Variants in USP43 observed in about 807,000 individuals in gnomAD.
The protein encoded by USP43 is ubiquitin carboxyl-terminal hydrolase 43.
Under a neutral mutation model 90.7 loss-of-function variants are expected in USP43, and 33 were observed. The ratio of observed to expected loss-of-function variants is 0.36; its 90% confidence interval spans 0.28 to 0.49. The LOEUF (loss-of-function observed/expected upper bound fraction) is 0.49, where lower values mean the gene tolerates loss of function less well. Ranked by LOEUF, USP43 falls within the 20% of genes least tolerant of loss-of-function variation. The pLI, the probability that USP43 is intolerant of heterozygous loss-of-function variation, is 0.98. For synonymous variants in USP43, 598 were observed against 615.8 expected, an observed-to-expected ratio of 0.97 and a Z score of 0.43; for missense variants, 1,274 against 1,476.4, an observed-to-expected ratio of 0.86 and a Z score of 2.25.
intron 2 of USP43, among the ~76,000 whole-genome samples, chr17:9,665,069 A>G (rs895618802): frequency 3.9e-5 from 6 of 152,148 alleles, no homozygotes; most frequent in Non-Finnish European, 8.8e-5. Flanking sequence ...TAATCAAAAT[A>G]TTGTGTCCCA....
rs1469235488 is a variant in USP43, at chr17:9,729,163, G to T, written c.*173G>T. 1.9e-6 allele frequency: 1 copy of T among 523,736 alleles called. No individual in the cohort carries two copies. The highest frequency in any genetic ancestry group is 3.4e-5 in the East Asian group (1 of 29,070). 32.4% of individuals were successfully genotyped at this position (523,736 alleles called of 1,614,324 possible). A position where few individuals can be genotyped will look rare whatever the true frequency, so the allele number is the denominator to read the frequency against. On this transcript the variant is annotated 3_prime_UTR_variant, in exon 15 of 15. Transcript: ENST00000285199. ...CCATATCTAGACTTCCAACACCCAA[G>T]GTCCATATAACCCAAGGTCGAAAAC...
At chr17:9,698,527 G>A (rs372079628) in intron 9 of USP43, among the ~76,000 whole-genome samples, 2 of 152,244 alleles carry the variant, frequency 1.3e-5, no homozygotes, top group African/African-American at 4.8e-5. Flanking sequence ...GGGATTGTTA[G>A]GTATATACAT....
At chr17:9,690,065 C>A (rs1914842445) in intron 8 of USP43, among the ~76,000 whole-genome samples, 1 of 152,242 alleles carries the variant, frequency 6.6e-6, no homozygotes, top group East Asian at 1.9e-4. Context: ...ACACTCAAGA[C>A]CCCCTGCAGC....
rs1467893364 is a variant in USP43 at position 9,645,749 on chromosome 17, A to G, written c.117A>G (p.Ser39=). Residue 39 remains serine (S), a synonymous_variant, in exon 1 of 15, where the codon TCA becomes TCG. Coordinates refer to ENST00000285199, the MANE Select transcript of USP43 (RefSeq NM_153210.5). The surrounding 1 kb of genome is among the most constrained non-coding windows in gnomAD (Gnocchi z 6.8). ...SRFLLALGSR[S]RPGDSPPRPQ... ...TCCTGCTGGCGCTGGGCAGCCGCTC[A>G]CGCCCCGGGGACTCACCGCCCCGGC... 2.9e-6 allele frequency: 4 copies of G among 1,384,146 alleles called. No individual in the cohort carries two copies. The highest frequency in any genetic ancestry group is 3.1e-5 in the African/African-American group (2 of 65,366). 85.7% of individuals were successfully genotyped at this position (1,384,146 alleles called of 1,614,324 possible). A position where few individuals can be genotyped will look rare whatever the true frequency, so the allele number is the denominator to read the frequency against.
intron 6 of USP43, among the ~76,000 whole-genome samples, chr17:9,681,987 C>A (rs962116270): frequency 6.6e-6 from 1 of 152,172 alleles, no homozygotes; most frequent in African/African-American, 2.4e-5. Flanking sequence ...GACTATATTA[C>A]AACCCAGTGA....
intron 14 of USP43, among the ~76,000 whole-genome samples, chr17:9,725,418 TC>T (rs1413548747): frequency 6.6e-6 from 1 of 151,716 alleles, no homozygotes; most frequent in East Asian, 1.9e-4. Context: ...TTTGCCCATC[TC>T]CCCGGGGGAG....
intron 1 of USP43, among the ~76,000 whole-genome samples, chr17:9,650,923 T>C (rs986618981): frequency 6.6e-6 from 1 of 151,768 alleles, no homozygotes; most frequent in African/African-American, 2.4e-5. Context: ...TCAGAGACTT[T>C]GGTGCACCCG....
At position 9,686,869 on chromosome 17, in the gene USP43, G is replaced by T; in HGVS notation, c.1313G>T (p.Ser438Ile). Residue 438 changes from serine to isoleucine, a missense_variant, in exon 8 of 15, where the codon AGC (serine) becomes ATC (isoleucine). Ser to Ile is a moderately radical substitution (Grantham distance 142, BLOSUM62 -2). This residue lies in a region of USP43 where 253 missense variants were observed against 276.0 expected (regional missense o/e 0.92). Coordinates refer to ENST00000285199, the MANE Select transcript of USP43 (RefSeq NM_153210.5). The surrounding 1 kb of genome is among the most constrained non-coding windows in gnomAD (Gnocchi z 5.5). ...SWAQLQQSIL[S>I]KVRHLMKSEA... is the part of the protein sequence containing the mutation. ...GCCCAGCTCCAGCAGTCTATCCTCA[G>T]CAAGGTCCGCCATCTTATGAAGAGT... is the stretch of plus-strand genomic sequence containing the variant. 6.2e-7 allele frequency: 1 copy of T among 1,613,828 alleles called. No homozygotes were observed. The highest frequency in any genetic ancestry group is 8.5e-7 in the Non-Finnish European group (1 of 1,179,872).
chr17:9,714,303 G>C (rs1447870158), intron 14 of USP43, among the ~76,000 whole-genome samples: 2 of 152,184 alleles, frequency 1.3e-5, no homozygotes, highest in Non-Finnish European at 2.9e-5. Flanking sequence ...TGTGATAACT[G>C]GGGAGTGGAG....
intron 14 of USP43, among the ~76,000 whole-genome samples, chr17:9,717,149 A>G (rs1257043671): frequency 1.5e-5 from 2 of 130,770 alleles, no homozygotes; most frequent in Admixed American, 8.4e-5. Context: ...ACAGAGCGAG[A>G]CTCCCTCTCA....
intron 1 of USP43, 52 bp from the exon 2 acceptor site, chr17:9,656,351 T>G: frequency 6.3e-7 from 1 of 1,585,428 alleles, no homozygotes; most frequent in Non-Finnish European, 8.6e-7. Flanking sequence ...GAGCCTTCAT[T>G]TGGTTGTATA....
Position 9,729,099 on chromosome 17 carries a change from T to A in USP43, c.*109T>A. The A allele has an allele frequency of 5.1e-6, 6 of 1,168,504 alleles. No homozygotes were observed. Among genetic ancestry groups the A allele is most frequent in the Non-Finnish European group, 6.8e-6 (6 of 884,308 alleles). 72.4% of individuals were successfully genotyped at this position (1,168,504 alleles called of 1,614,324 possible). ...CCAGGAAACCCGTTGTCTTGTAATC[T>A]CTAAAAAAAAATTTTTTTTTTTTTG... On this transcript the variant is annotated 3_prime_UTR_variant, in exon 15 of 15. Coordinates refer to ENST00000285199, the MANE Select transcript of USP43 (RefSeq NM_153210.5).
At chr17:9,678,690 A>G (rs1212394515) in intron 5 of USP43, among the ~76,000 whole-genome samples, 1 of 151,226 alleles carries the variant, frequency 6.6e-6, no homozygotes, top group African/African-American at 2.4e-5. Context: ...ATCTTATGCT[A>G]TTTACCCTGT....
intron 1 of USP43, among the ~76,000 whole-genome samples, chr17:9,648,940 T>A (rs1285106479): frequency 8.4e-6 from 1 of 119,736 alleles, no homozygotes; most frequent in Non-Finnish European, 1.8e-5. Context: ...TCTCTCTCCC[T>A]CTCTCTCTCT....
rs756048060 is a variant in USP43 at position 9,674,681 on chromosome 17, G to A, written c.741-210G>A. Among the ~76,000 whole-genome samples, 4 of 152,184 alleles carry A rather than the reference G, an allele frequency of 2.6e-5. No individual in the cohort carries two copies. Among genetic ancestry groups the A allele is most frequent in the Non-Finnish European group, 5.9e-5 (4 of 68,044 alleles). On this transcript the variant is annotated intron_variant, in intron 3 of 14. Coordinates refer to ENST00000285199, the MANE Select transcript of USP43 (RefSeq NM_153210.5). The surrounding 1 kb of genome is among the most constrained non-coding windows in gnomAD (Gnocchi z 4.4). ...TTTACCCATTTGTCTGTTGATGGAC[G>A]GTTGGGTTGTTCCCACCTTAACTAT...
At chr17:9,675,479 G>A (rs1000783559) in intron 4 of USP43, among the ~76,000 whole-genome samples, 5 of 152,176 alleles carry the variant, frequency 3.3e-5, no homozygotes, top group African/African-American at 7.2e-5. Flanking sequence ...ACCATGGGCC[G>A]AGTTCTATAA....
At chr17:9,722,387 T>C (rs527419113) in intron 14 of USP43, among the ~76,000 whole-genome samples, 1 of 152,330 alleles carries the variant, frequency 6.6e-6, no homozygotes, top group African/African-American at 2.4e-5. Flanking sequence ...GTTTTCTTTT[T>C]ACCAAAAATT....
intron 2 of USP43, among the ~76,000 whole-genome samples, chr17:9,657,592 T>C (rs1912352385): frequency 6.6e-6 from 1 of 152,050 alleles, no homozygotes; most frequent in Non-Finnish European, 1.5e-5. Flanking sequence ...TCCACATGGC[T>C]GGGGAGGCCT....
Position 9,701,203 on chromosome 17 carries a change from T to G in USP43, c.1620T>G (p.Cys540Trp), listed in dbSNP as rs1915547757. ...QQQQAHQQHS[C>W]TLDECFQFYT... The stretch of plus-strand genomic sequence containing the variant: ...AGCAGGCGCATCAGCAGCACAGCTG[T>G]ACCTTGGATGAATGTTTTCAGTTCT... The change falls in exon 11 of 15, where the codon TGT (cysteine) becomes TGG (tryptophan). Residue 540 changes from cysteine to tryptophan, a missense_variant. Physicochemically the swap from Cys to Trp is radical, Grantham distance 215. This residue lies in a region of USP43 where 253 missense variants were observed against 276.0 expected (regional missense o/e 0.92). Transcript: ENST00000285199. This position sits in a 1 kb window ranked among gnomAD's most constrained non-coding sequence, Gnocchi z 7.2. 7.5e-6 allele frequency: 12 copies of G among 1,597,002 alleles called. No individual in the cohort carries two copies. Among genetic ancestry groups the G allele is most frequent in the Non-Finnish European group, 1.0e-5 (12 of 1,171,248 alleles).
Sources: allele counts gnomAD v4.1 joint callset (sites outside exome capture counted in the v4.1 genomes callset), GRCh38; gene constraint gnomAD v4.1.1; regional missense constraint gnomAD v4.1.1; non-coding constraint Gnocchi (gnomAD v3.1); transcripts MANE v1.5; gene names NCBI Gene and HGNC (gene_info 2026-07-23, HGNC 2026-07-21).